Variants in RBP4 observed in about 807,000 individuals in gnomAD.
The protein encoded by RBP4 is retinol binding protein 4.
In RBP4, 9 loss-of-function variants were observed where a neutral mutation model predicts 26.2. The observed-to-expected ratio is 0.34, with a 90% CI of 0.21 to 0.60. The LOEUF (loss-of-function observed/expected upper bound fraction) is 0.60, where lower values mean the gene tolerates loss of function less well. RBP4 is among the 20% of genes least tolerant of loss of function. The pLI, the probability that RBP4 is intolerant of heterozygous loss-of-function variation, is 0.80. For synonymous variants in RBP4, 114 were observed against 111.0 expected (o/e 1.03, Z -0.17); for missense variants, 244 against 271.3 (o/e 0.90, Z 0.71).
chr10:93,598,210 C>T (rs541644412), intron 4 of RBP4, among the ~76,000 whole-genome samples: 1 of 152,174 alleles, frequency 6.6e-6, no homozygotes, highest in African/African-American at 2.4e-5. Flanking sequence ...ATTTCACGAC[C>T]AGGGAGATAA....
rs1372925306 is a variant in RBP4, at chr10:93,601,234, G to T, written c.-82C>A. On this transcript the variant is annotated 5_prime_UTR_variant, in exon 1 of 6. Coordinates refer to ENST00000371464, the MANE Select transcript of RBP4 (RefSeq NM_006744.4). ...TCCGGGCGCGCGTGGAGCGAGGGAGGCGAGCGCGCCGCGGCCGCCCCGCTG... is the reference window on the plus strand; with the variant it reads ...TCCGGGCGCGCGTGGAGCGAGGGAGTCGAGCGCGCCGCGGCCGCCCCGCTG... The T allele has an allele frequency of 1.6e-6, 2 of 1,237,338 alleles. No individual in the cohort carries two copies. Among genetic ancestry groups the T allele is most frequent in the Non-Finnish European group, 2.0e-6 (2 of 994,944 alleles). 76.6% of individuals were successfully genotyped at this position (1,237,338 alleles called of 1,614,324 possible).
intron 4 of RBP4, among the ~76,000 whole-genome samples, chr10:93,595,113 CTGAG>C (rs2058294841): frequency 6.6e-6 from 1 of 151,846 alleles, no homozygotes; most frequent in South Asian, 2.1e-4. Context: ...GTACTCCAGC[CTGAG>C]TGAGAGTGAG....
intron 4 of RBP4, among the ~76,000 whole-genome samples, chr10:93,599,871 A>G (rs1032659871): frequency 1.3e-5 from 2 of 152,224 alleles, no homozygotes; most frequent in African/African-American, 4.8e-5. Flanking sequence ...GAAAGGGAAG[A>G]GGCCACAGCC....
In RBP4 at chr10:93,600,908, C is replaced by A. The variant is rs763061570; in HGVS notation, c.111+10G>T. On this transcript the variant is annotated intron_variant, in intron 2 of 5. Coordinates refer to ENST00000371464, the MANE Select transcript of RBP4 (RefSeq NM_006744.4). ...CCTGGGCCGCCTGGGCCCCCTGGGC[C>A]GATACCTACGCGAGCCTTGTCGAAG... The A allele has an allele frequency of 2.5e-6, 4 of 1,612,224 alleles. No homozygotes were observed. In the South Asian group the frequency reaches 4.4e-5, roughly 18 times the overall value.
intron 4 of RBP4, among the ~76,000 whole-genome samples, chr10:93,595,183 G>A (rs1463069244): frequency 6.6e-6 from 1 of 152,000 alleles, no homozygotes; most frequent in Non-Finnish European, 1.5e-5. Context: ...TGAGCGATTT[G>A]CCACAGAGAA....
At chr10:93,599,113 C>G (rs12217985) in intron 4 of RBP4, among the ~76,000 whole-genome samples, 12,219 of 151,486 alleles carry the variant, frequency 0.081, 604 homozygotes, top group Middle Eastern at 0.11. Context: ...GCCAGGCATG[C>G]TGGCCCATGC....
At chr10:93,601,432 C>G, upstream of RBP4, 1 of 1,222,602 alleles carries the variant, frequency 8.2e-7, no homozygotes, top group Non-Finnish European at 1.1e-6. Flanking sequence ...CACAGTGGAG[C>G]GGCCGCGCGG....
intron 4 of RBP4, among the ~76,000 whole-genome samples, chr10:93,597,670 C>T (rs2058310815): frequency 6.6e-6 from 1 of 152,230 alleles, no homozygotes; most frequent in Admixed American, 6.5e-5. Flanking sequence ...TGACATTCAA[C>T]TGTAGAGATT....
In RBP4 at chr10:93,601,060, G is replaced by C. The variant is rs370358940; in HGVS notation, c.-18-14C>G. 277 of 1,602,722 alleles carry C rather than the reference G, an allele frequency of 1.7e-4. 1 individual carries two copies. The African/African-American group carries it at 3.0e-3, about 18-fold the overall frequency. ...CAGGAATCCGCCCTGCGGGAGACGC[G>C]CCTCCGTCAGTGCCCGGCAGCCGAC... On this transcript the variant is annotated splice_polypyrimidine_tract_variant and intron_variant, in intron 1 of 5. Transcript: ENST00000371464.
intron 4 of RBP4, among the ~76,000 whole-genome samples, chr10:93,595,203 T>C (rs1168059167): frequency 6.6e-6 from 1 of 152,030 alleles, no homozygotes; most frequent in African/African-American, 2.4e-5. Context: ...AAGAACAGTG[T>C]CACCCTGTAT....
intron 4 of RBP4, among the ~76,000 whole-genome samples, chr10:93,595,926 AC>A (rs1448084944): frequency 1.3e-5 from 2 of 152,192 alleles, no homozygotes; most frequent in African/African-American, 2.4e-5. Flanking sequence ...CAGAACCATG[AC>A]TGCTCAGCAG....
chr10:93,593,745 T>C, intron 5 of RBP4, 78 bp downstream of exon 5: 3 of 1,487,390 alleles, frequency 2.0e-6, no homozygotes, highest in Non-Finnish European at 2.8e-6. Flanking sequence ...CAAAATGAAT[T>C]TCACTAGCAC....
intron 5 of RBP4, among the ~76,000 whole-genome samples, chr10:93,592,692 C>A (rs2058275005): frequency 6.6e-6 from 1 of 152,150 alleles, no homozygotes; most frequent in Non-Finnish European, 1.5e-5. Context: ...GGAATCCTTG[C>A]TGGCCCTACA....
At chr10:93,597,197 T>C (rs2058308158) in intron 4 of RBP4, among the ~76,000 whole-genome samples, 1 of 152,186 alleles carries the variant, frequency 6.6e-6, no homozygotes, top group East Asian at 1.9e-4. Context: ...TATTTAGATA[T>C]AGATGGAGCA....
chr10:93,595,170 A>G (rs1044068192), intron 4 of RBP4, among the ~76,000 whole-genome samples: 2 of 152,134 alleles, frequency 1.3e-5, no homozygotes, highest in Non-Finnish European at 2.9e-5. Context: ...AAAAGAATGT[A>G]TGTGAGCGAT....
intron 5 of RBP4, among the ~76,000 whole-genome samples, chr10:93,592,560 AG>A (rs2058274121): frequency 6.6e-6 from 1 of 152,150 alleles, no homozygotes; most frequent in African/African-American, 2.4e-5. Flanking sequence ...ACAAAACTCT[AG>A]GTTTGCATCC....
intron 5 of RBP4, 116 bp from the exon 6 acceptor site, chr10:93,592,228 T>C (rs752538003): frequency 1.7e-5 from 15 of 873,382 alleles, no homozygotes; most frequent in Non-Finnish European, 2.5e-5. Context: ...TTAATTCAAA[T>C]GCATCACAGC....
At chr10:93,598,949 G>A (rs1359940849) in intron 4 of RBP4, among the ~76,000 whole-genome samples, 1 of 152,074 alleles carries the variant, frequency 6.6e-6, no homozygotes, top group Non-Finnish European at 1.5e-5. Context: ...TAAAAATAAA[G>A]CTTCTAAGCT....
At position 93,593,999 on chromosome 10, in the gene RBP4, G is replaced by A. The variant is rs577540732; in HGVS notation, c.392C>T (p.Thr131Met). The change falls in exon 5 of 6, where the codon ACG (threonine) becomes ATG (methionine). Residue 131 changes from threonine to methionine, a missense_variant. By Grantham distance (81) the Thr-to-Met change is moderately conservative (BLOSUM62 -1). Coordinates refer to ENST00000371464, the MANE Select transcript of RBP4 (RefSeq NM_006744.4). ...GCGGCAGGAGTACTGCACGGCATAC[G>A]TGTCGTAGTCTGTGTCGACGATCCA... ...DHWIVDTDYD[T>M]YAVQYSCRLL... 3.5e-5 allele frequency: 57 copies of A among 1,613,814 alleles called. No individual in the cohort carries two copies. The East Asian group carries it at 6.5e-4, about 18-fold the overall frequency.
Sources: gnomAD v4.1 joint callset for allele counts (sites outside exome capture counted in the v4.1 genomes callset) on GRCh38, gnomAD v4.1.1 for gene constraint, MANE v1.5 for transcripts, NCBI Gene and HGNC (gene_info 2026-07-23, HGNC 2026-07-21) for gene names.